Variants in NSD1 observed in about 807,000 individuals in gnomAD.
NSD1 encodes nuclear receptor binding SET domain protein 1, also known as histone-lysine N-methyltransferase, H3 lysine-36 specific.
A neutral mutation model predicts 242.7 loss-of-function variants in NSD1; 26 were observed. The observed-to-expected ratio is 0.11, with a 90% CI of 0.08 to 0.15. The LOEUF (loss-of-function observed/expected upper bound fraction) is 0.15, where lower values mean the gene tolerates loss of function less well. Ranked by LOEUF, NSD1 falls within the 10% of genes least tolerant of loss-of-function variation. The pLI, the probability that NSD1 is intolerant of heterozygous loss-of-function variation, is 1.00. For missense variants in NSD1, 2,495 were observed against 3,272.8 expected, an observed-to-expected ratio of 0.76 and a Z score of 5.80; for synonymous variants, 1,106 against 1,178.1, an observed-to-expected ratio of 0.94 and a Z score of 1.25.
chr5:177,257,989 T>TTA (rs1756660585), intron 13 of NSD1, among the ~76,000 whole-genome samples: 1 of 140,790 alleles, frequency 7.1e-6, no homozygotes, highest in Admixed American at 7.2e-5. Context: ...TTTTTTTTTT[T>TTA]TTTTTTTTGA....
At position 177,266,364 on chromosome 5, in the gene NSD1, G is replaced by A. The variant is rs1012886254; in HGVS notation, c.5147-1198G>A. ...TCGATGCCGATGACCTTGCGGGCCC[G>A]GCCTTGGCGGCGAACATGCAGAGGA... is the stretch of plus-strand genomic sequence containing the variant. On this transcript the variant is annotated intron_variant, in intron 14 of 22. Coordinates refer to ENST00000439151, the MANE Select transcript of NSD1 (RefSeq NM_022455.5). 1.5e-5 allele frequency: 10 copies of A among 685,474 alleles called. No individual in the cohort carries two copies. The East Asian group carries it at 2.8e-4, about 19-fold the overall frequency. 42.5% of individuals were successfully genotyped at this position (685,474 alleles called of 1,614,324 possible).
chr5:177,206,434 T>A (rs1581301145), intron 4 of NSD1, among the ~76,000 whole-genome samples: 2 of 152,322 alleles, frequency 1.3e-5, no homozygotes, highest in East Asian at 3.9e-4. Context: ...GATACCATGC[T>A]GGCAATACTT....
intron 2 of NSD1, among the ~76,000 whole-genome samples, chr5:177,191,577 G>A (rs557398637): frequency 2.0e-5 from 3 of 151,446 alleles, no homozygotes; most frequent in Admixed American, 6.6e-5. Flanking sequence ...CTTTTCCTTC[G>A]GATGATTTTC....
intron 8 of NSD1, among the ~76,000 whole-genome samples, chr5:177,241,822 G>C (rs796972017): frequency 3.9e-5 from 6 of 152,308 alleles, no homozygotes; most frequent in African/African-American, 1.4e-4. Context: ...CTAAAGCCAT[G>C]ATTCAGTTCC....
At chr5:177,149,657 C>T (rs1224754037) in intron 2 of NSD1, among the ~76,000 whole-genome samples, 3 of 152,100 alleles carry the variant, frequency 2.0e-5, no homozygotes, top group East Asian at 1.9e-4. Flanking sequence ...TAGATTATCA[C>T]GCATTAGTTA....
rs1756203781 is a variant in NSD1 at position 177,135,129 on chromosome 5, G to T, written c.26G>T (p.Arg9Ile). 1.9e-6 allele frequency: 3 copies of T among 1,614,092 alleles called. No individual in the cohort carries two copies. Among genetic ancestry groups the T allele is most frequent in the Middle Eastern group, 1.6e-4 (1 of 6,084 alleles). Residue 9 changes from arginine (R) to isoleucine (I), a missense_variant, in exon 2 of 23, where the codon AGA (arginine) becomes ATA (isoleucine). Physicochemically the swap from Arg to Ile is moderately conservative, Grantham distance 97 (BLOSUM62 -3). This residue lies in a region of NSD1 where 376 missense variants were observed against 367.4 expected (regional missense o/e 1.02). Coordinates refer to ENST00000439151, the MANE Select transcript of NSD1 (RefSeq NM_022455.5). ...ATGGATCAGACCTGTGAACTACCCAGAAGAAATTGTCTGCTGCCCTTTTCC... is the reference window on the plus strand; with the variant it reads ...ATGGATCAGACCTGTGAACTACCCATAAGAAATTGTCTGCTGCCCTTTTCC... MDQTCELP[R>I]RNCLLPFSNP...
intron 2 of NSD1, among the ~76,000 whole-genome samples, chr5:177,171,678 C>G (rs1759722316): frequency 6.6e-6 from 1 of 152,058 alleles, no homozygotes; most frequent in Admixed American, 6.6e-5. Flanking sequence ...TTTGCCTATC[C>G]TAGGTATTTT....
chr5:177,266,048 C>T, intron 14 of NSD1: 2 of 1,075,392 alleles, frequency 1.9e-6, no homozygotes, highest in Non-Finnish European at 2.9e-6. Flanking sequence ...GTTCTCCCAC[C>T]AGTGGATCTT....
intron 17 of NSD1, among the ~76,000 whole-genome samples, chr5:177,278,249 A>T (rs1758558408): frequency 6.6e-6 from 1 of 152,168 alleles, no homozygotes; most frequent in East Asian, 1.9e-4. Context: ...CTGGAACCTC[A>T]AGCACTTGCC....
At chr5:177,277,100 A>G (rs1220765260) in intron 17 of NSD1, among the ~76,000 whole-genome samples, 1 of 152,028 alleles carries the variant, frequency 6.6e-6, no homozygotes, top group Admixed American at 6.5e-5. Context: ...GATCTCATCA[A>G]GAACTTAGAG....
Position 177,211,320 on chromosome 5 carries a change from A to G in NSD1, c.2921A>G (p.Asn974Ser). The G allele has an allele frequency of 6.2e-7, 1 of 1,613,818 alleles. No individual in the cohort carries two copies. The highest frequency in any genetic ancestry group is 8.5e-7 in the Non-Finnish European group (1 of 1,179,990). Residue 974 changes from asparagine (N) to serine (S), a missense_variant, in exon 5 of 23, where the codon AAC becomes AGC. By Grantham distance (46) the Asn-to-Ser change is conservative. Around this residue, in one of 19 missense-constraint regions of NSD1, gnomAD observed 426 missense variants for 411.4 expected, o/e 1.04. Transcript: ENST00000439151. ...NSEKKGDGTQ[N>S]SANPSPSGGD... ...GAGAAAAAGGGAGATGGCACTCAGA[A>G]CTCCGCCAATCCTAGCCCTAGTGGG...
intron 2 of NSD1, among the ~76,000 whole-genome samples, chr5:177,179,632 A>G (rs1476984700): frequency 1.3e-5 from 2 of 152,236 alleles, no homozygotes; most frequent in Non-Finnish European, 2.9e-5. Context: ...CAGCTTTCTT[A>G]TCACCCTCTT....
rs1765715090 is a variant in NSD1 at position 177,239,815 on chromosome 5, T to G, written c.4252T>G (p.Leu1418Val). ...PTKKLLESND[L>V]DPGFMPKKGD... ...TAAGAAACTTCTTGAATCCAATGAT[T>G]TAGACCCTGGATTTATGCCCAAGAA... The change falls in exon 8 of 23, where the codon TTA becomes GTA. Residue 1418 changes from leucine (L) to valine (V), a missense_variant. Leu to Val is a conservative substitution (Grantham distance 32, BLOSUM62 1). Coordinates refer to ENST00000439151, the MANE Select transcript of NSD1 (RefSeq NM_022455.5). The G allele has an allele frequency of 6.2e-7, 1 of 1,613,476 alleles. No homozygotes were observed. The highest frequency in any genetic ancestry group is 8.5e-7 in the Non-Finnish European group (1 of 1,179,528).
At chr5:177,251,537 G>A (rs1640710524) in intron 11 of NSD1, among the ~76,000 whole-genome samples, 193 bp from the exon 12 acceptor site, 2 of 152,132 alleles carry the variant, frequency 1.3e-5, no homozygotes, top group Admixed American at 1.3e-4. Flanking sequence ...CCTGATTTTA[G>A]CTTTCCTTTG....
At chr5:177,251,987 G>A in intron 12 of NSD1, 134 bp downstream of exon 12, 1 of 1,100,554 alleles carries the variant, frequency 9.1e-7, no homozygotes, top group South Asian at 1.3e-5. Context: ...GGTGCTGTGG[G>A]GTCACTGCTT....
Position 177,210,401 on chromosome 5 carries a change from G to A in NSD1, c.2002G>A (p.Ala668Thr). 7 of 1,614,148 alleles carry A rather than the reference G, an allele frequency of 4.3e-6. No homozygotes were observed. Among genetic ancestry groups the A allele is most frequent in the Non-Finnish European group, 5.9e-6 (7 of 1,180,024 alleles). The change falls in exon 5 of 23, where the codon GCT becomes ACT. Residue 668 changes from alanine (A) to threonine (T), a missense_variant. This residue lies in a region of NSD1 where 515 missense variants were observed against 467.0 expected (regional missense o/e 1.10). Transcript: ENST00000439151. The stretch of plus-strand genomic sequence containing the variant: ...TAACAGTGTCCTTGAAATTCCAGAT[G>A]CTTTCGATAGAACAGAGAACATGTT... ...SDNSVLEIPD[A>T]FDRTENMLSM...
chr5:177,209,467 T>C (rs1352985913), intron 4 of NSD1, among the ~76,000 whole-genome samples, 169 bp from the exon 5 acceptor site: 5 of 149,088 alleles, frequency 3.4e-5, no homozygotes, highest in African/African-American at 1.2e-4. Flanking sequence ...AGGCAGAGGT[T>C]GTGGTGAGCG....
chr5:177,264,148 G>T (rs1330919132), intron 14 of NSD1, among the ~76,000 whole-genome samples: 4 of 147,874 alleles, frequency 2.7e-5, no homozygotes, highest in Non-Finnish European at 5.9e-5. Flanking sequence ...CGATCCTCCT[G>T]CCTTAGCCTC....
At position 177,148,134 on chromosome 5, in the gene NSD1, T is replaced by G. The variant is rs145697306; in HGVS notation, c.927+12104T>G. ...GGCATGTTAAGTTTTTTTTTTTTCCTGAGAGGGAGTTTCGATCTTGTTGCC... is the reference window on the plus strand; with the variant it reads ...GGCATGTTAAGTTTTTTTTTTTTCCGGAGAGGGAGTTTCGATCTTGTTGCC... On this transcript the variant is annotated intron_variant, in intron 2 of 22. Coordinates refer to ENST00000439151, the MANE Select transcript of NSD1 (RefSeq NM_022455.5). 7.5e-3 allele frequency among the ~76,000 whole-genome samples: 1,138 copies of G among 151,690 alleles called. 20 individuals are homozygous for G. Among genetic ancestry groups the G allele is most frequent in the African/African-American group, 0.026 (1,065 of 41,362 alleles).
Sources: allele counts gnomAD v4.1 joint callset (sites outside exome capture counted in the v4.1 genomes callset), GRCh38; gene constraint gnomAD v4.1.1; regional missense constraint gnomAD v4.1.1; transcripts MANE v1.5; gene names NCBI Gene and HGNC (gene_info 2026-07-23, HGNC 2026-07-21).